ERCC6L2: variants seen among roughly 807,000 people sequenced by gnomAD.
ERCC6L2 encodes ERCC excision repair 6 like 2.
ERCC6L2 carries 77 observed loss-of-function variants against 132.0 expected under a neutral mutation model. The observed-to-expected ratio is 0.58, with a 90% CI of 0.49 to 0.71. ERCC6L2 has a LOEUF of 0.71. Among genes scored for constraint, ERCC6L2 ranks in the 30% least tolerant of loss-of-function variants. The pLI is 0.00. For missense variants in ERCC6L2, 1,542 were observed against 1,837.6 expected, an observed-to-expected ratio of 0.84 and a Z score of 2.94; for synonymous variants, 583 against 632.4, an observed-to-expected ratio of 0.92 and a Z score of 1.17.
At chr9:95,986,453 A>G (rs888143403) in intron 17 of ERCC6L2, among the ~76,000 whole-genome samples, 3 of 149,398 alleles carry the variant, frequency 2.0e-5, no homozygotes, top group African/African-American at 7.4e-5. Flanking sequence ...ACACAGATGT[A>G]TTCTGAGGAC....
intron 19 of ERCC6L2, among the ~76,000 whole-genome samples, chr9:96,033,419 G>A (rs1834485795): frequency 1.3e-5 from 2 of 152,046 alleles, no homozygotes; most frequent in South Asian, 4.1e-4. Context: ...TAAATTTTTT[G>A]CATTTTCAGT....
intron 16 of ERCC6L2, among the ~76,000 whole-genome samples, chr9:95,974,960 A>G (rs1832599917): frequency 6.6e-6 from 1 of 152,114 alleles, no homozygotes; most frequent in Non-Finnish European, 1.5e-5. Flanking sequence ...GTTCTCAAGC[A>G]TATAGGGAAT....
At chr9:95,963,744 A>G (rs891392585) in intron 13 of ERCC6L2, among the ~76,000 whole-genome samples, 4 of 152,002 alleles carry the variant, frequency 2.6e-5, no homozygotes, top group Non-Finnish European at 4.4e-5. Context: ...CAAGACCTTG[A>G]CAGCTTTAAA....
chr9:95,985,802 A>G (rs1310382175), intron 17 of ERCC6L2, among the ~76,000 whole-genome samples: 1 of 152,208 alleles, frequency 6.6e-6, no homozygotes, highest in Non-Finnish European at 1.5e-5. Flanking sequence ...TGAATTATGT[A>G]CCAATAATCT....
intron 3 of ERCC6L2, among the ~76,000 whole-genome samples, chr9:95,900,360 C>A (rs1353822976): frequency 6.6e-6 from 1 of 151,842 alleles, no homozygotes; most frequent in East Asian, 1.9e-4. Context: ...TGCACTCCAG[C>A]CTGGGCAACA....
At chr9:95,880,127 A>G (rs1242951042) in intron 1 of ERCC6L2, among the ~76,000 whole-genome samples, 1 of 152,220 alleles carries the variant, frequency 6.6e-6, no homozygotes, top group Non-Finnish European at 1.5e-5. Flanking sequence ...GGATCTTTGC[A>G]GAAAGAGATC....
At chr9:95,935,437 C>A (rs1830511690) in intron 11 of ERCC6L2, among the ~76,000 whole-genome samples, 1 of 152,070 alleles carries the variant, frequency 6.6e-6, no homozygotes. Context: ...GTGTAAGTAT[C>A]CACTCTGTGA....
chr9:95,926,118 A>AT, intron 9 of ERCC6L2, among the ~76,000 whole-genome samples: 1 of 152,206 alleles, frequency 6.6e-6, no homozygotes, highest in Non-Finnish European at 1.5e-5. Flanking sequence ...GAGTAACAAG[A>AT]ACCCCCATCT....
At chr9:95,906,073 A>G (rs2132652276) in intron 3 of ERCC6L2, among the ~76,000 whole-genome samples, 1 of 152,294 alleles carries the variant, frequency 6.6e-6, no homozygotes, top group South Asian at 2.1e-4. Flanking sequence ...AATGTGAGGA[A>G]TAACCAGAGA....
chr9:95,967,985 C>G (rs1212879612), intron 14 of ERCC6L2: 1 of 152,080 alleles, frequency 6.6e-6, no homozygotes, highest in Admixed American at 6.6e-5. Context: ...GACATAGTTA[C>G]CTGTTTTTAT....
chr9:95,953,348 A>G (rs690420), intron 12 of ERCC6L2, among the ~76,000 whole-genome samples: 89,955 of 152,002 alleles, frequency 0.59, 26,861 homozygotes, highest in East Asian at 0.79. Flanking sequence ...AGGCCGAGGC[A>G]GGCGGATCAT....
intron 17 of ERCC6L2, among the ~76,000 whole-genome samples, chr9:95,979,412 A>T (rs1482238485): frequency 6.6e-6 from 1 of 152,180 alleles, no homozygotes; most frequent in Non-Finnish European, 1.5e-5. Context: ...AGGCTGAGTG[A>T]AATGTTTGTC....
At chr9:95,966,513 A>C (rs773305155) in intron 13 of ERCC6L2, 49 bp from the exon 14 acceptor site, 2 of 1,385,252 alleles carry the variant, frequency 1.4e-6, no homozygotes, top group Non-Finnish European at 1.9e-6. Context: ...ATTCTGACAT[A>C]TTGTTGGAGC....
At chr9:96,027,678 GC>G (rs1462691736) in intron 19 of ERCC6L2, 1 of 152,296 alleles carries the variant, frequency 6.6e-6, no homozygotes, top group African/African-American at 2.4e-5. Context: ...CTCCCGGGGC[GC>G]CGACGGCCTC....
At chr9:96,022,505 T>C (rs1221796270), downstream of ERCC6L2, among the ~76,000 whole-genome samples, 1 of 152,118 alleles carries the variant, frequency 6.6e-6, no homozygotes, top group Non-Finnish European at 1.5e-5. Context: ...AGAGGGGCAC[T>C]CGGCTTGTAA....
chr9:95,877,816 A>G (rs1827364579), intron 1 of ERCC6L2, among the ~76,000 whole-genome samples: 1 of 140,490 alleles, frequency 7.1e-6, no homozygotes, highest in Admixed American at 6.9e-5. Flanking sequence ...AAAAAAAAAG[A>G]AAAAAAAAAG....
chr9:95,993,713 T>C (rs1259806224), intron 17 of ERCC6L2, among the ~76,000 whole-genome samples: 1 of 152,220 alleles, frequency 6.6e-6, no homozygotes, highest in African/African-American at 2.4e-5. Context: ...CAATATAAAG[T>C]TGTCCTTATG....
chr9:96,030,362 C>CA (rs776566996), intron 19 of ERCC6L2, among the ~76,000 whole-genome samples: 153 of 152,236 alleles, frequency 1.0e-3, no homozygotes, highest in Non-Finnish European at 1.2e-3. Context: ...TTTGTTCTTT[C>CA]ACTCTTCACA....
intron 19 of ERCC6L2, among the ~76,000 whole-genome samples, chr9:96,030,323 G>A (rs1002576612): frequency 1.3e-5 from 2 of 151,946 alleles, no homozygotes; most frequent in African/African-American, 4.8e-5. Context: ...GCGGCAACAC[G>A]CTCGGGTTCC....
Sources: gnomAD v4.1 joint callset for allele counts (sites outside exome capture counted in the v4.1 genomes callset) on GRCh38, gnomAD v4.1.1 for gene constraint, MANE v1.5 for transcripts, NCBI Gene and HGNC (gene_info 2026-07-23, HGNC 2026-07-21) for gene names.